Variants in GTPBP1 observed in about 807,000 individuals in gnomAD.
GTPBP1 encodes GTP-binding protein 1.
GTPBP1 carries 23 observed loss-of-function variants against 62.0 expected under a neutral mutation model. The ratio of observed to expected loss-of-function variants is 0.37; its 90% CI spans 0.27 to 0.53. GTPBP1 has a LOEUF of 0.53. GTPBP1 is among the 20% of genes least tolerant of loss of function. The pLI is 0.89. For synonymous variants in GTPBP1, 344 were observed against 364.4 expected (o/e 0.94, Z 0.64); for missense variants, 640 against 917.3 (o/e 0.70, Z 3.90).
chr22:38,740,157 G>T, downstream of GTPBP1: 1 of 1,367,080 alleles, frequency 7.3e-7, no homozygotes, highest in Non-Finnish European at 9.7e-7. The surrounding 1 kb of genome is among the most constrained non-coding windows in gnomAD (Gnocchi z 4.8). Context: ...ACAGTCTCTT[G>T]GGCATAACAG....
At chr22:38,722,934 C>T in intron 5 of GTPBP1, 1 of 987,104 alleles carries the variant, frequency 1.0e-6, no homozygotes, top group Non-Finnish European at 1.6e-6. Context: ...CTTGATGACT[C>T]CATTGGGGTC....
At chr22:38,715,877 T>C (rs751422451) in intron 2 of GTPBP1, 30 bp from the exon 3 acceptor site, 4 of 1,576,996 alleles carry the variant, frequency 2.5e-6, no homozygotes, top group Non-Finnish European at 3.4e-6. Context: ...GGACTCCCTC[T>C]CCTGCTGATG....
At position 38,729,613 on chromosome 22, in the gene GTPBP1, C is replaced by G; in HGVS notation, c.1868C>G (p.Ser623Cys). ...VGAPPPGDEA[S>C]SVGAGQPAAS... Reference sequence around the variant, plus strand: ...GCACCCCCACCTGGAGATGAAGCCTCCTCTGTAGGGGCAGGGCAACCAGCT... The same window carrying G: ...GCACCCCCACCTGGAGATGAAGCCTGCTCTGTAGGGGCAGGGCAACCAGCT... The change falls in exon 11 of 12, where the codon TCC becomes TGC. Residue 623 changes from serine to cysteine, a missense_variant. Coordinates refer to ENST00000216044, the MANE Select transcript of GTPBP1 (RefSeq NM_004286.5). The G allele has an allele frequency of 1.3e-6, 2 of 1,551,374 alleles. No individual in the cohort carries two copies.
chr22:38,712,870 A>G (rs2092647952), intron 2 of GTPBP1, among the ~76,000 whole-genome samples: 1 of 152,196 alleles, frequency 6.6e-6, no homozygotes. Flanking sequence ...CCGTGCATTT[A>G]GAAACTCCTC....
In GTPBP1 at chr22:38,721,629, C is replaced by T. The variant is rs113691326; in HGVS notation, c.835-113C>T. On this transcript the variant is annotated intron_variant, in intron 4 of 11. Coordinates refer to ENST00000216044, the MANE Select transcript of GTPBP1 (RefSeq NM_004286.5). ...CCCACATCATCGAGTCAGGGGTTAA[C>T]GTGATTTTTGCCCAGCCCAGCTTTC... 404 of 893,758 alleles carry T rather than the reference C, an allele frequency of 4.5e-4. 2 individuals are homozygous for T. The African/African-American group carries it at 5.3e-3, about 12-fold the overall frequency. The allele number at this position is 893,758 out of a possible 1,614,324, so 55.4% of individuals were successfully genotyped here. A position where few individuals can be genotyped will look rare whatever the true frequency, so the allele number is the denominator to read the frequency against.
At chr22:38,740,875 A>G, downstream of GTPBP1, 1 of 1,055,770 alleles carries the variant, frequency 9.5e-7, no homozygotes, top group Non-Finnish European at 1.4e-6. This position sits in a 1 kb window ranked among gnomAD's most constrained non-coding sequence, Gnocchi z 4.8. Flanking sequence ...CTGGGTTTCA[A>G]CCCCTCCCCC....
At chr22:38,736,092 C>T (rs140105822), downstream of GTPBP1, 2,247 of 691,100 alleles carry the variant, frequency 3.3e-3, 15 homozygotes, top group Middle Eastern at 0.011. Context: ...GCCTGCTAAC[C>T]GCCTCGAGCC....
chr22:38,718,290 G>A (rs768137785), intron 4 of GTPBP1, among the ~76,000 whole-genome samples: 8 of 152,144 alleles, frequency 5.3e-5, no homozygotes, highest in Non-Finnish European at 1.0e-4. Context: ...TTGAGAATAA[G>A]CATTTTTCCA....
At chr22:38,738,393 T>A, downstream of GTPBP1, 1 of 1,095,652 alleles carries the variant, frequency 9.1e-7, no homozygotes, top group Non-Finnish European at 1.3e-6. This position sits in a 1 kb window ranked among gnomAD's most constrained non-coding sequence, Gnocchi z 6.6. Flanking sequence ...CACTTCACTC[T>A]CTTGTGCCAC....
chr22:38,717,663 C>T (rs2092678376), intron 4 of GTPBP1, among the ~76,000 whole-genome samples: 1 of 152,222 alleles, frequency 6.6e-6, no homozygotes, highest in South Asian at 2.1e-4. Flanking sequence ...TTAAGCAGCT[C>T]ATCTAATAGA....
chr22:38,736,663 A>C, downstream of GTPBP1: 1 of 275,314 alleles, frequency 3.6e-6, no homozygotes, highest in African/African-American at 2.2e-5. Context: ...AACCACCTTC[A>C]TAGAGGGCTT....
chr22:38,722,175 T>G (rs946505509), intron 5 of GTPBP1, among the ~76,000 whole-genome samples: 1 of 152,214 alleles, frequency 6.6e-6, no homozygotes, highest in African/African-American at 2.4e-5. Flanking sequence ...GTAAAATGAC[T>G]AGGTAAACTA....
At chr22:38,740,372 C>G, downstream of GTPBP1, 1 of 1,577,094 alleles carries the variant, frequency 6.3e-7, no homozygotes, top group Non-Finnish European at 8.6e-7. The surrounding 1 kb of genome is among the most constrained non-coding windows in gnomAD (Gnocchi z 4.8). Context: ...GGCCGGCCAG[C>G]TGGTCCTCCA....
At chr22:38,721,159 A>C (rs2092698545) in intron 4 of GTPBP1, among the ~76,000 whole-genome samples, 2 of 152,092 alleles carry the variant, frequency 1.3e-5, no homozygotes, top group African/African-American at 4.8e-5. Flanking sequence ...GGCTCACCAC[A>C]ACCTCCACCT....
chr22:38,733,754 G>A (rs2092777109), downstream of GTPBP1, among the ~76,000 whole-genome samples: 1 of 152,200 alleles, frequency 6.6e-6, no homozygotes, highest in Non-Finnish European at 1.5e-5. Context: ...GGATGAATAT[G>A]CCACGCACAG....
downstream of GTPBP1, chr22:38,735,240 C>T (rs1260991266): frequency 2.4e-5 from 11 of 455,772 alleles, no homozygotes; most frequent in East Asian, 7.0e-5. Context: ...ACCAGAAGGG[C>T]GACTACCTGA....
intron 5 of GTPBP1, chr22:38,723,014 C>T (rs890030987): frequency 8.5e-6 from 7 of 819,212 alleles, no homozygotes; most frequent in African/African-American, 8.4e-5. Flanking sequence ...AGGAAGTTTG[C>T]TCAAATCTGA....
At chr22:38,718,298 C>A (rs1480426323) in intron 4 of GTPBP1, among the ~76,000 whole-genome samples, 1 of 152,130 alleles carries the variant, frequency 6.6e-6, no homozygotes, top group African/African-American at 2.4e-5. Flanking sequence ...AAGCATTTTT[C>A]CAGCTGAGCT....
At position 38,708,883 on chromosome 22, in the gene GTPBP1, C is replaced by A; in HGVS notation, c.231C>A (p.Ser77Arg). The change falls in exon 2 of 12, where the codon AGC becomes AGA. Residue 77 changes from serine to arginine, a missense_variant. Ser to Arg is a moderately radical substitution (Grantham distance 110). This residue lies in a region of GTPBP1 where 215 missense variants were observed against 235.1 expected (regional missense o/e 0.91). Coordinates refer to ENST00000216044, the MANE Select transcript of GTPBP1 (RefSeq NM_004286.5). ...GCCCTACATCAGAGCAGTATGACAG[C>A]CTACTTCGGCAGATGTGGGAGAGGA... Reference protein sequence around the residue: ...LVSPTSEQYDSLLRQMWERMD... With the variant: ...LVSPTSEQYDRLLRQMWERMD... The A allele has an allele frequency of 6.2e-7, 1 of 1,611,896 alleles. No individual in the cohort carries two copies. The highest frequency in any genetic ancestry group is 8.5e-7 in the Non-Finnish European group (1 of 1,177,966).
Sources: gnomAD v4.1 joint callset for allele counts (sites outside exome capture counted in the v4.1 genomes callset) on GRCh38, gnomAD v4.1.1 for gene constraint, gnomAD v4.1.1 regional missense constraint, Gnocchi (gnomAD v3.1) non-coding constraint, MANE v1.5 for transcripts, NCBI Gene and HGNC (gene_info 2026-07-23, HGNC 2026-07-21) for gene names.